The following SNX8 variants were observed in gnomAD, a reference collection of about 807,000 sequenced individuals.
The protein encoded by SNX8 is sorting nexin-8.
SNX8 carries 25 observed loss-of-function variants against 51.6 expected under a neutral mutation model. The ratio of observed to expected loss-of-function variants is 0.48; its 90% CI spans 0.35 to 0.68. SNX8 has a LOEUF of 0.68. Ranked by LOEUF, SNX8 falls within the 30% of genes least tolerant of loss-of-function variation. SNX8 has a pLI of 0.00. For missense variants in SNX8, 695 were observed against 624.0 expected, an observed-to-expected ratio of 1.11 and a Z score of -1.21; for synonymous variants, 324 against 277.0, an observed-to-expected ratio of 1.17 and a Z score of -1.68.
intron 1 of SNX8, among the ~76,000 whole-genome samples, chr7:2,329,591 C>G (rs1376581400): frequency 6.6e-6 from 1 of 152,192 alleles, no homozygotes; most frequent in Non-Finnish European, 1.5e-5. Flanking sequence ...AACCTTCCCC[C>G]ACCTTAAGAC....
At position 2,253,771 on chromosome 7, in the gene SNX8, A is replaced by G. The variant is rs988805148; in HGVS notation, c.*1285T>C. 1 of 152,056 alleles carries G rather than the reference A, an allele frequency of 6.6e-6. No homozygotes were observed. The highest frequency in any genetic ancestry group is 2.4e-5 in the African/African-American group (1 of 41,382). 9.4% of individuals were successfully genotyped at this position (152,056 alleles called of 1,614,324 possible). A position where few individuals can be genotyped will look rare whatever the true frequency, so the allele number is the denominator to read the frequency against. ...CACACAGGAGTCCCCTCTCCATCCC[A>G]CGGCCGTGAGCTGCCCGTAGGTACA... On this transcript the variant is annotated 3_prime_UTR_variant, in exon 11 of 11. Coordinates refer to ENST00000222990, the MANE Select transcript of SNX8 (RefSeq NM_013321.4).
At chr7:2,342,297 G>C (rs1778945823) in intron 1 of SNX8, among the ~76,000 whole-genome samples, 1 of 152,062 alleles carries the variant, frequency 6.6e-6, no homozygotes, top group South Asian at 2.1e-4. Flanking sequence ...ACGCAAGATG[G>C]ATAAATCTCA....
At chr7:2,280,475 C>G (rs1795883749) in intron 1 of SNX8, among the ~76,000 whole-genome samples, 1 of 146,898 alleles carries the variant, frequency 6.8e-6, no homozygotes, top group Admixed American at 6.8e-5. Flanking sequence ...GAGACTCTGT[C>G]TCAAAAAAAA....
At chr7:2,257,647 C>G in intron 8 of SNX8, 88 bp downstream of exon 8, 1 of 1,566,758 alleles carries the variant, frequency 6.4e-7, no homozygotes, top group Non-Finnish European at 8.8e-7. Context: ...CTCAGCTCCT[C>G]TTCCGTCCCC....
chr7:2,349,439 A>T (rs1404106716), intron 1 of SNX8, among the ~76,000 whole-genome samples: 3 of 150,670 alleles, frequency 2.0e-5, no homozygotes, highest in Non-Finnish European at 4.4e-5. Context: ...CTATATTTTT[A>T]ATTTAACTTT....
chr7:2,260,104 C>CT (rs1173198490), intron 7 of SNX8, among the ~76,000 whole-genome samples: 13 of 150,988 alleles, frequency 8.6e-5, no homozygotes, highest in Admixed American at 2.7e-4. Context: ...ACAGATTTGG[C>CT]TTTTTTTTTG....
At chr7:2,286,129 A>G (rs1796022975) in intron 1 of SNX8, among the ~76,000 whole-genome samples, 1 of 151,420 alleles carries the variant, frequency 6.6e-6, no homozygotes, top group Non-Finnish European at 1.5e-5. Flanking sequence ...CTCCTGCCTC[A>G]GCCTTCAGAG....
chr7:2,278,659 G>C, intron 1 of SNX8, among the ~76,000 whole-genome samples: 1 of 120,078 alleles, frequency 8.3e-6, no homozygotes, highest in African/African-American at 3.4e-5. Context: ...CTCACACTAC[G>C]GAGTCGACGC....
chr7:2,345,060 T>C (rs1778995984), intron 1 of SNX8, among the ~76,000 whole-genome samples: 2 of 152,296 alleles, frequency 1.3e-5, no homozygotes, highest in Middle Eastern at 3.4e-3. Flanking sequence ...TAATGTCTAA[T>C]AAATTGGAAT....
chr7:2,290,601 G>A (rs1796128982), intron 1 of SNX8, among the ~76,000 whole-genome samples: 1 of 152,212 alleles, frequency 6.6e-6, no homozygotes, highest in Non-Finnish European at 1.5e-5. Flanking sequence ...TAATTCACGT[G>A]AGCAAGAAAG....
chr7:2,262,402 C>T (rs957525006), intron 7 of SNX8, among the ~76,000 whole-genome samples: 2 of 152,216 alleles, frequency 1.3e-5, no homozygotes, highest in East Asian at 1.9e-4. Context: ...TAGTAAACAC[C>T]GTATCTTCAA....
chr7:2,266,865 C>A (rs1242686983), intron 5 of SNX8, among the ~76,000 whole-genome samples: 1 of 152,168 alleles, frequency 6.6e-6, no homozygotes, highest in Non-Finnish European at 1.5e-5. Flanking sequence ...AAAAAACTAC[C>A]AAGTAGCTAC....
chr7:2,282,791 A>G (rs956434193), intron 1 of SNX8, among the ~76,000 whole-genome samples: 3 of 152,154 alleles, frequency 2.0e-5, no homozygotes, highest in African/African-American at 4.8e-5. Flanking sequence ...TGCCTGGCCA[A>G]CGTGGCGAAA....
At chr7:2,350,361 C>A (rs1459316185) in intron 1 of SNX8, among the ~76,000 whole-genome samples, 1 of 152,070 alleles carries the variant, frequency 6.6e-6, no homozygotes, top group Admixed American at 6.6e-5. Context: ...GGCCGTGTGG[C>A]GGAACATTTT....
chr7:2,319,879 C>T (rs879592202), intron 1 of SNX8, among the ~76,000 whole-genome samples: 1 of 151,820 alleles, frequency 6.6e-6, no homozygotes, highest in Admixed American at 6.6e-5. Flanking sequence ...ACTCAGGAGG[C>T]TGAGGCAAGA....
intron 1 of SNX8, among the ~76,000 whole-genome samples, chr7:2,345,633 G>T (rs1253317154): frequency 6.6e-6 from 1 of 151,194 alleles, no homozygotes; most frequent in Non-Finnish European, 1.5e-5. Flanking sequence ...AGCCAAGATC[G>T]TGCCACTACA....
chr7:2,322,312 T>G (rs1463042556), intron 1 of SNX8, among the ~76,000 whole-genome samples: 2 of 151,500 alleles, frequency 1.3e-5, no homozygotes, highest in African/African-American at 2.4e-5. Flanking sequence ...GCAGGAGAAG[T>G]GCTTCAGTCC....
rs1796253846 is a variant in SNX8, at chr7:2,295,523, G to A, written c.95-17218C>T. On this transcript the variant is annotated intron_variant, in intron 1 of 10. Transcript: ENST00000222990. ...AGTGCAAGACTAGCCTGGCCAACAT[G>A]GTGAAACCCTGTCTCTACTAAAAAT... Among the ~76,000 whole-genome samples the A allele has an allele frequency of 2.0e-5, 3 of 149,698 alleles. No individual in the cohort carries two copies. In the Admixed American group the frequency reaches 2.0e-4, roughly 10 times the overall value.
chr7:2,349,475 CTG>C (rs985399079), intron 1 of SNX8, among the ~76,000 whole-genome samples: 39 of 150,684 alleles, frequency 2.6e-4, no homozygotes, highest in African/African-American at 9.0e-4. Flanking sequence ...GTTTATCACT[CTG>C]TCACTCAGGC....
Sources: gnomAD v4.1 joint callset for allele counts (sites outside exome capture counted in the v4.1 genomes callset) on GRCh38, gnomAD v4.1.1 for gene constraint, MANE v1.5 for transcripts, NCBI Gene and HGNC (gene_info 2026-07-23, HGNC 2026-07-21) for gene names.